The following FAF1 variants were observed in gnomAD, a reference collection of about 807,000 sequenced individuals.
The protein encoded by FAF1 is Fas associated factor 1.
A neutral mutation model predicts 92.5 loss-of-function variants in FAF1; 25 were observed. That is an observed-to-expected ratio of 0.27 (90% CI 0.20 to 0.38). The LOEUF is 0.38. Ranked by LOEUF, FAF1 falls within the 10% of genes least tolerant of loss-of-function variation. FAF1 has a pLI of 1.00. For synonymous variants in FAF1, 234 were observed against 273.2 expected (o/e 0.86, Z 1.42); for missense variants, 636 against 793.3 (o/e 0.80, Z 2.38).
intron 12 of FAF1, among the ~76,000 whole-genome samples, chr1:50,574,560 T>C (rs555888704): frequency 6.6e-6 from 1 of 152,232 alleles, no homozygotes; most frequent in South Asian, 2.1e-4. Context: ...TAAACAAGCA[T>C]GACAAAAGGA....
intron 12 of FAF1, among the ~76,000 whole-genome samples, chr1:50,576,347 G>A (rs1650733064): frequency 1.3e-5 from 2 of 152,158 alleles, no homozygotes; most frequent in African/African-American, 2.4e-5. Flanking sequence ...CTTAATTTAT[G>A]TATAATATTT....
At chr1:50,674,547 C>A (rs948075033) in intron 7 of FAF1, among the ~76,000 whole-genome samples, 1 of 152,216 alleles carries the variant, frequency 6.6e-6, no homozygotes, top group African/African-American at 2.4e-5. Context: ...CCTTCAAACA[C>A]AGGTGGGTGT....
chr1:50,488,716 T>C (rs1188554883), intron 17 of FAF1, among the ~76,000 whole-genome samples: 1 of 152,194 alleles, frequency 6.6e-6, no homozygotes, highest in Non-Finnish European at 1.5e-5. Flanking sequence ...TCTCAGCTGT[T>C]CTCATTTTTG....
At chr1:50,889,005 T>G (rs1644695352) in intron 1 of FAF1, among the ~76,000 whole-genome samples, 1 of 152,230 alleles carries the variant, frequency 6.6e-6, no homozygotes, top group Non-Finnish European at 1.5e-5. Flanking sequence ...GGACTTTTTT[T>G]GGTTGGTAAG....
intron 1 of FAF1, among the ~76,000 whole-genome samples, chr1:50,926,164 A>G (rs896287307): frequency 1.3e-5 from 2 of 152,158 alleles, no homozygotes; most frequent in Non-Finnish European, 2.9e-5. Flanking sequence ...TTACTGAAGC[A>G]TATGATCACA....
chr1:50,638,378 T>C (rs1285938767), intron 8 of FAF1, among the ~76,000 whole-genome samples: 1 of 152,148 alleles, frequency 6.6e-6, no homozygotes, highest in Non-Finnish European at 1.5e-5. Flanking sequence ...CTTACATCAT[T>C]TCCAATCTTA....
chr1:50,504,049 C>T (rs1401613998), intron 15 of FAF1, among the ~76,000 whole-genome samples: 2 of 152,044 alleles, frequency 1.3e-5, no homozygotes, highest in African/African-American at 4.8e-5. Flanking sequence ...TCAATTGTAC[C>T]TCAATATACA....
intron 8 of FAF1, among the ~76,000 whole-genome samples, chr1:50,644,047 G>A (rs535712268): frequency 6.6e-6 from 1 of 152,238 alleles, no homozygotes; most frequent in South Asian, 2.1e-4. Flanking sequence ...TTCCATGTCT[G>A]TTTCTTTTGA....
intron 18 of FAF1, among the ~76,000 whole-genome samples, chr1:50,443,505 T>C (rs1425733238): frequency 6.6e-6 from 1 of 152,218 alleles, no homozygotes; most frequent in African/African-American, 2.4e-5. Flanking sequence ...CTCAAAGTGG[T>C]TACCACTTGT....
At chr1:50,606,401 G>T (rs934289824) in intron 8 of FAF1, among the ~76,000 whole-genome samples, 1 of 150,066 alleles carries the variant, frequency 6.7e-6, no homozygotes, top group Non-Finnish European at 1.5e-5. Flanking sequence ...AGAGAGAAGG[G>T]TTTCTTATCA....
chr1:50,759,785 C>T (rs1332715054), intron 4 of FAF1, among the ~76,000 whole-genome samples: 1 of 152,130 alleles, frequency 6.6e-6, no homozygotes, highest in Non-Finnish European at 1.5e-5. Context: ...AAAAGTGTTC[C>T]TATTTCTCCA....
At chr1:50,904,590 T>C (rs1192178139) in intron 1 of FAF1, among the ~76,000 whole-genome samples, 4 of 152,216 alleles carry the variant, frequency 2.6e-5, no homozygotes, top group East Asian at 1.9e-4. Context: ...CTCAGTAATA[T>C]CTAGTTGTGC....
intron 1 of FAF1, among the ~76,000 whole-genome samples, chr1:50,887,584 C>T (rs1246231392): frequency 6.6e-6 from 1 of 152,164 alleles, no homozygotes; most frequent in Non-Finnish European, 1.5e-5. Flanking sequence ...CCAGTTTCAG[C>T]TTTCTACATA....
At chr1:50,796,084 A>C (rs76288021) in intron 3 of FAF1, among the ~76,000 whole-genome samples, 107 of 152,246 alleles carry the variant, frequency 7.0e-4, no homozygotes, top group African/African-American at 2.4e-3. Flanking sequence ...ACAAAAAAAA[A>C]CCCTGACCAT....
chr1:50,877,764 C>T (rs1189328108), intron 1 of FAF1, among the ~76,000 whole-genome samples: 1 of 152,078 alleles, frequency 6.6e-6, no homozygotes, highest in Non-Finnish European at 1.5e-5. Context: ...CAGTTTACTG[C>T]TGACTAACAG....
intron 8 of FAF1, among the ~76,000 whole-genome samples, chr1:50,647,877 C>T (rs1011551227): frequency 6.6e-6 from 1 of 152,048 alleles, no homozygotes; most frequent in African/African-American, 2.4e-5. Context: ...GTGAAAAAAA[C>T]TTAAGTAGAA....
chr1:50,761,619 C>T (rs1054055473), intron 4 of FAF1, among the ~76,000 whole-genome samples: 1 of 152,262 alleles, frequency 6.6e-6, no homozygotes, highest in South Asian at 2.1e-4. Context: ...GCAGAAAAAG[C>T]CTTTGACAAA....
At chr1:50,659,242 A>G (rs1655264670) in intron 7 of FAF1, among the ~76,000 whole-genome samples, 1 of 150,762 alleles carries the variant, frequency 6.6e-6, no homozygotes, top group Non-Finnish European at 1.5e-5. Context: ...TGAGGAAGAA[A>G]GAGGGAGGGG....
chr1:50,693,398 G>A (rs941435937), intron 7 of FAF1, among the ~76,000 whole-genome samples: 1 of 152,032 alleles, frequency 6.6e-6, no homozygotes, highest in African/African-American at 2.4e-5. Context: ...TGATCTATCT[G>A]TCTGTCCTTA....
Sources: allele counts gnomAD v4.1 joint callset (sites outside exome capture counted in the v4.1 genomes callset), GRCh38; gene constraint gnomAD v4.1.1; transcripts MANE v1.5; gene names NCBI Gene and HGNC (gene_info 2026-07-23, HGNC 2026-07-21).